ADAM12: variants seen among roughly 807,000 people sequenced by gnomAD.
The protein encoded by ADAM12 is disintegrin and metalloproteinase domain-containing protein 12.
ADAM12 carries 70 observed loss-of-function variants against 106.4 expected under a neutral mutation model. That is an observed-to-expected ratio of 0.66 (90% CI 0.54 to 0.80). The LOEUF (loss-of-function observed/expected upper bound fraction) is 0.80. Ranked by LOEUF, ADAM12 falls within the 30% of genes least tolerant of loss-of-function variation. The pLI is 0.00. For missense variants in ADAM12, 1,010 were observed against 1,171.9 expected (o/e 0.86, Z 2.02); for synonymous variants, 420 against 433.5 (o/e 0.97, Z 0.39).
At chr10:126,113,422 G>C (rs1955907393) in intron 6 of ADAM12, among the ~76,000 whole-genome samples, 1 of 151,714 alleles carries the variant, frequency 6.6e-6, no homozygotes, top group Non-Finnish European at 1.5e-5. Flanking sequence ...CACTTTGGGA[G>C]GCTGAGGTGG....
intron 2 of ADAM12, among the ~76,000 whole-genome samples, chr10:126,318,458 G>A (rs896633150): frequency 2.6e-5 from 4 of 151,550 alleles, no homozygotes; most frequent in African/African-American, 9.7e-5. Context: ...TCAAACTCAT[G>A]CAGTGACATT....
chr10:126,322,411 G>A (rs1216942986), intron 2 of ADAM12, among the ~76,000 whole-genome samples: 3 of 152,184 alleles, frequency 2.0e-5, no homozygotes, highest in African/African-American at 2.4e-5. Flanking sequence ...TTCTCAACCC[G>A]GGGCAATTTT....
intron 4 of ADAM12, among the ~76,000 whole-genome samples, chr10:126,152,796 A>G (rs1956751676): frequency 6.6e-6 from 1 of 152,060 alleles, no homozygotes. Context: ...TTGCTATTTT[A>G]TGTTTTTCTA....
At chr10:126,127,725 CTACAATG>C (rs1956228963) in intron 5 of ADAM12, among the ~76,000 whole-genome samples, 1 of 152,220 alleles carries the variant, frequency 6.6e-6, no homozygotes, top group Non-Finnish European at 1.5e-5. Context: ...GCTACCAGAA[CTACAATG>C]TATGAGGAAA....
intron 3 of ADAM12, among the ~76,000 whole-genome samples, chr10:126,178,863 G>A (rs1423743826): frequency 1.3e-5 from 2 of 151,928 alleles, no homozygotes; most frequent in East Asian, 1.9e-4. Context: ...CCTGGCCAAC[G>A]TGGTGAAACC....
chr10:126,294,499 C>T (rs775312636), intron 2 of ADAM12, among the ~76,000 whole-genome samples: 3 of 152,126 alleles, frequency 2.0e-5, no homozygotes, highest in Non-Finnish European at 4.4e-5. Context: ...CCGCGACAGT[C>T]TCGGCTGTTC....
intron 8 of ADAM12, among the ~76,000 whole-genome samples, chr10:126,107,251 C>A (rs1955791106): frequency 6.6e-6 from 1 of 152,152 alleles, no homozygotes; most frequent in Non-Finnish European, 1.5e-5. Context: ...GACTCCCTGG[C>A]CCTGGGAAGA....
chr10:126,380,049 A>AG (rs1428797533), intron 1 of ADAM12, among the ~76,000 whole-genome samples: 6 of 152,214 alleles, frequency 3.9e-5, no homozygotes, highest in African/African-American at 1.4e-4. Context: ...TTTTTTAAAT[A>AG]GTTGCCAAGA....
Position 126,013,311 on chromosome 10 carries a change from TCTTA to T in ADAM12, c.*3964_*3967del, listed in dbSNP as rs1489401579. On this transcript the variant is annotated 3_prime_UTR_variant, in exon 23 of 23. Transcript: ENST00000448723. The surrounding 1 kb of genome is among the most constrained non-coding windows in gnomAD (Gnocchi z 4.3). ...TTCTCAGCATGGGGCTCCCAAACTT[TCTTA>T]GAGTGTCATTTGTTTTAGTATCAGA... The T allele has an allele frequency of 3.3e-5, 5 of 152,236 alleles. No individual in the cohort carries two copies. The highest frequency in any genetic ancestry group is 1.3e-4 in the Admixed American group (2 of 15,288). 9.4% of individuals were successfully genotyped at this position (152,236 alleles called of 1,614,324 possible). A position where few individuals can be genotyped will look rare whatever the true frequency, so the allele number is the denominator to read the frequency against.
intron 1 of ADAM12, among the ~76,000 whole-genome samples, chr10:126,359,543 C>G (rs993031529): frequency 1.1e-4 from 16 of 152,184 alleles, no homozygotes; most frequent in Admixed American, 2.6e-4. Flanking sequence ...GCAGGGCAGT[C>G]AAATCTTAAA....
chr10:126,328,598 G>A (rs1854389263), intron 2 of ADAM12, among the ~76,000 whole-genome samples: 2 of 152,102 alleles, frequency 1.3e-5, no homozygotes, highest in South Asian at 4.1e-4. Context: ...CCAAATATGA[G>A]TACATATTGT....
chr10:126,249,135 T>G (rs1590679404), intron 3 of ADAM12, among the ~76,000 whole-genome samples: 1 of 152,188 alleles, frequency 6.6e-6, no homozygotes, highest in East Asian at 1.9e-4. Flanking sequence ...CAGCTTATGT[T>G]TCTCCTAAGT....
intron 10 of ADAM12, among the ~76,000 whole-genome samples, chr10:126,097,254 CA>C (rs1284298352): frequency 1.5e-4 from 23 of 152,290 alleles, no homozygotes; most frequent in Admixed American, 7.8e-4. Flanking sequence ...CCTGGCATCA[CA>C]AAAACCAAAC....
intron 2 of ADAM12, among the ~76,000 whole-genome samples, chr10:126,294,141 G>A (rs903379927): frequency 2.0e-5 from 3 of 152,174 alleles, no homozygotes; most frequent in African/African-American, 7.2e-5. Context: ...GATGCTGACA[G>A]GGCAGAACCT....
At chr10:126,300,342 G>T (rs79435014) in intron 2 of ADAM12, among the ~76,000 whole-genome samples, 1 of 152,082 alleles carries the variant, frequency 6.6e-6, no homozygotes, top group East Asian at 1.9e-4. Context: ...TGATAAACAG[G>T]GGGGAAGAGG....
chr10:126,023,238 G>A (rs926801058), intron 21 of ADAM12, among the ~76,000 whole-genome samples: 2 of 152,088 alleles, frequency 1.3e-5, no homozygotes, highest in Admixed American at 6.6e-5. Flanking sequence ...TATAAATGTC[G>A]TAAACCCTAA....
At chr10:126,182,727 T>C (rs1398607331) in intron 3 of ADAM12, among the ~76,000 whole-genome samples, 1 of 152,178 alleles carries the variant, frequency 6.6e-6, no homozygotes, top group Non-Finnish European at 1.5e-5. Flanking sequence ...GGAGGTGGGC[T>C]TGAGGAGTGT....
intron 1 of ADAM12, among the ~76,000 whole-genome samples, chr10:126,356,033 G>T (rs759277777): frequency 2.6e-5 from 4 of 152,174 alleles, no homozygotes; most frequent in Admixed American, 1.3e-4. Flanking sequence ...AAGAGCAAGA[G>T]CTAGTTCTGC....
intron 3 of ADAM12, chr10:126,272,775 G>T: frequency 3.6e-6 from 1 of 279,028 alleles, no homozygotes; most frequent in Non-Finnish European, 7.6e-6. Context: ...CAGGCCATGT[G>T]CTGCCTCCAG....
Sources: allele counts gnomAD v4.1 joint callset (sites outside exome capture counted in the v4.1 genomes callset), GRCh38; gene constraint gnomAD v4.1.1; non-coding constraint Gnocchi (gnomAD v3.1); transcripts MANE v1.5; gene names NCBI Gene and HGNC (gene_info 2026-07-23, HGNC 2026-07-21).